The following GREB1L variants were observed in gnomAD, a reference collection of about 807,000 sequenced individuals.
GREB1L encodes GREB1 like retinoic acid receptor coactivator.
Under a neutral mutation model 200.8 loss-of-function variants are expected in GREB1L, and 17 were observed. That is an observed-to-expected ratio of 0.08 (90% CI 0.06 to 0.13). The LOEUF is 0.13. GREB1L is among the 10% of genes least tolerant of loss of function. GREB1L has a pLI of 1.00. For missense variants in GREB1L, 1,657 were observed against 2,367.7 expected (o/e 0.70, Z 6.23); for synonymous variants, 789 against 893.0 (o/e 0.88, Z 2.08).
intron 7 of GREB1L, among the ~76,000 whole-genome samples, chr18:21,439,099 G>A (rs1475740203): frequency 1.3e-5 from 2 of 152,014 alleles, no homozygotes; most frequent in African/African-American, 4.8e-5. Flanking sequence ...CGGAGGTAAG[G>A]GTATAGATAA....
chr18:21,524,420 A>C lies in GREB1L; in HGVS notation c.*1599A>C, dbSNP rs1261062654. 6.6e-6 allele frequency: 1 copy of C among 152,172 alleles called. No individual in the cohort carries two copies. Among genetic ancestry groups the C allele is most frequent in the African/African-American group, 2.4e-5 (1 of 41,440 alleles). The allele number at this position is 152,172 out of a possible 1,614,324, so 9.4% of individuals were successfully genotyped here. On this transcript the variant is annotated 3_prime_UTR_variant, in exon 33 of 33. Coordinates refer to ENST00000424526, the MANE Select transcript of GREB1L (RefSeq NM_001142966.3). ...CATTTTTAATTGTCCTTCAAAGAGG[A>C]CCTGCCTTATATATGCTTTAAAAAA...
intron 2 of GREB1L, among the ~76,000 whole-genome samples, 157 bp downstream of exon 2, chr18:21,366,293 C>T (rs2039677664): frequency 6.6e-6 from 1 of 152,022 alleles, no homozygotes; most frequent in Admixed American, 6.6e-5. Flanking sequence ...CCTCTCCCCT[C>T]CCCCATCCCC....
chr18:21,410,102 T>A (rs2030779962), intron 7 of GREB1L, among the ~76,000 whole-genome samples: 1 of 152,136 alleles, frequency 6.6e-6, no homozygotes, highest in Non-Finnish European at 1.5e-5. Flanking sequence ...ACTGTCTTTC[T>A]AAATGAAGAT....
intron 1 of GREB1L, among the ~76,000 whole-genome samples, chr18:21,279,348 A>G (rs1302313783): frequency 1.3e-5 from 2 of 152,052 alleles, no homozygotes; most frequent in Non-Finnish European, 2.9e-5. Flanking sequence ...ATGGAAGCCT[A>G]ATTCCATCTA....
intron 3 of GREB1L, among the ~76,000 whole-genome samples, chr18:21,383,967 G>T (rs534292289): frequency 6.6e-6 from 1 of 151,996 alleles, no homozygotes. Context: ...GCCCGCCTCC[G>T]CCTCCCAAAG....
intron 19 of GREB1L, among the ~76,000 whole-genome samples, chr18:21,491,909 C>A (rs1003277992): frequency 6.6e-6 from 1 of 151,932 alleles, no homozygotes; most frequent in Non-Finnish European, 1.5e-5. Flanking sequence ...TATAGATACA[C>A]GTTCACAATT....
At position 21,397,066 on chromosome 18, in the gene GREB1L, GTC is replaced by G. The variant is rs753505996; in HGVS notation, c.532+1507_532+1508del. On this transcript the variant is annotated intron_variant, in intron 5 of 32. Transcript: ENST00000424526. Reference sequence around the variant, plus strand: ...CCTAGTTATATAGTGTCATCAGAAAGTCTAGCAATACACTGATCAATAAGTGA... The same window carrying G: ...CCTAGTTATATAGTGTCATCAGAAAGTAGCAATACACTGATCAATAAGTGA... Among the ~76,000 whole-genome samples, 136 of 152,228 alleles carry G rather than the reference GTC, an allele frequency of 8.9e-4. 1 individual carries two copies. Among genetic ancestry groups the G allele is most frequent in the Non-Finnish European group, 1.7e-3 (113 of 68,010 alleles).
At chr18:21,348,636 G>A (rs749044944) in intron 1 of GREB1L, among the ~76,000 whole-genome samples, 6 of 151,954 alleles carry the variant, frequency 3.9e-5, no homozygotes, top group Admixed American at 6.6e-5. Flanking sequence ...TTAGCCAGGC[G>A]TAGTGGCAGG....
intron 1 of GREB1L, among the ~76,000 whole-genome samples, chr18:21,257,214 C>G (rs1274436678): frequency 6.6e-6 from 1 of 151,984 alleles, no homozygotes; most frequent in South Asian, 2.1e-4. Flanking sequence ...GTGATCCGCC[C>G]GCCTCGGCTT....
intron 1 of GREB1L, among the ~76,000 whole-genome samples, chr18:21,264,607 T>A (rs1432733860): frequency 6.6e-6 from 1 of 152,126 alleles, no homozygotes; most frequent in Non-Finnish European, 1.5e-5. Flanking sequence ...CCTGCTTTAA[T>A]CCGAAACTAG....
intron 1 of GREB1L, among the ~76,000 whole-genome samples, chr18:21,329,041 G>A (rs576156758): frequency 6.6e-6 from 1 of 152,222 alleles, no homozygotes; most frequent in South Asian, 2.1e-4. Flanking sequence ...TTGTAATGGA[G>A]GCCAGGCACA....
At chr18:21,330,669 AG>A (rs1408016605) in intron 1 of GREB1L, among the ~76,000 whole-genome samples, 1 of 152,104 alleles carries the variant, frequency 6.6e-6, no homozygotes, top group Admixed American at 6.5e-5. Context: ...TCTTCCACTG[AG>A]GGGGGTAAGA....
At chr18:21,319,174 G>A (rs1283040119) in intron 1 of GREB1L, among the ~76,000 whole-genome samples, 4 of 152,196 alleles carry the variant, frequency 2.6e-5, no homozygotes, top group Non-Finnish European at 5.9e-5. Context: ...TAAGGGTAAT[G>A]GCTGTTTCTT....
At chr18:21,375,084 G>A in intron 2 of GREB1L, among the ~76,000 whole-genome samples, 1 of 148,794 alleles carries the variant, frequency 6.7e-6, no homozygotes, top group Admixed American at 6.7e-5. Context: ...TTTTTTTTGA[G>A]ATGGAGTCTC....
chr18:21,518,147 C>T lies in GREB1L; in HGVS notation c.5385C>T (p.His1795=), dbSNP rs373959953. The T allele has an allele frequency of 7.3e-5, 114 of 1,551,620 alleles. No homozygotes were observed. Among genetic ancestry groups the T allele is most frequent in the Non-Finnish European group, 9.2e-5 (106 of 1,146,962 alleles). ...TTCTCCTGGAGAAATTCCTTCAGCA[C>T]GCCTCATATAAACTCTTCCCCAAAG... ...AQFLLEKFLQ[H]ASYKLFPKAI... Residue 1795 remains histidine (H), a synonymous_variant, in exon 31 of 33, where the codon CAC becomes CAT. Coordinates refer to ENST00000424526, the MANE Select transcript of GREB1L (RefSeq NM_001142966.3).
intron 7 of GREB1L, among the ~76,000 whole-genome samples, chr18:21,415,165 A>C (rs2031504203): frequency 1.3e-5 from 2 of 152,188 alleles, no homozygotes; most frequent in African/African-American, 2.4e-5. Flanking sequence ...TCAAATGTTC[A>C]ACATAGTATT....
chr18:21,486,081 G>A (rs964639779), intron 18 of GREB1L, among the ~76,000 whole-genome samples: 10 of 152,196 alleles, frequency 6.6e-5, no homozygotes, highest in Non-Finnish European at 1.2e-4. Flanking sequence ...CTGGCTGGGC[G>A]CGGTGGCCCA....
chr18:21,456,323 T>G (rs1203740532), intron 15 of GREB1L, among the ~76,000 whole-genome samples: 1 of 151,906 alleles, frequency 6.6e-6, no homozygotes, highest in African/African-American at 2.4e-5. Flanking sequence ...ACTAAAAGAG[T>G]ATTGTAATTG....
chr18:21,431,824 G>A (rs2033169721), intron 7 of GREB1L, among the ~76,000 whole-genome samples: 1 of 150,282 alleles, frequency 6.7e-6, no homozygotes, highest in South Asian at 2.1e-4. Flanking sequence ...TTATAATTAT[G>A]TCTTACTGGT....
Sources: gnomAD v4.1 joint callset for allele counts (sites outside exome capture counted in the v4.1 genomes callset) on GRCh38, gnomAD v4.1.1 for gene constraint, MANE v1.5 for transcripts, NCBI Gene and HGNC (gene_info 2026-07-23, HGNC 2026-07-21) for gene names.